CCDC85C: variants seen among roughly 807,000 people sequenced by gnomAD.
CCDC85C encodes the protein coiled-coil domain-containing protein 85C.
A neutral mutation model predicts 38.3 loss-of-function variants in CCDC85C; 18 were observed. The observed-to-expected ratio is 0.47, with a 90% CI of 0.33 to 0.70. CCDC85C has a LOEUF of 0.70. Among genes scored for constraint, CCDC85C ranks in the 30% least tolerant of loss-of-function variants. The pLI is 0.03. For synonymous variants in CCDC85C, 264 were observed against 293.8 expected (o/e 0.90, Z 1.04); for missense variants, 566 against 621.2 (o/e 0.91, Z 0.94).
At chr14:99,538,625 C>G (rs1181500163) in intron 1 of CCDC85C, among the ~76,000 whole-genome samples, 1 of 152,214 alleles carries the variant, frequency 6.6e-6, no homozygotes, top group African/African-American at 2.4e-5. Context: ...ACAGGGTGAG[C>G]GAGGAGCTCC....
Position 99,558,611 on chromosome 14 carries a change from C to T in CCDC85C, c.794-22523G>A, listed in dbSNP as rs1013881118. Among the ~76,000 whole-genome samples the T allele has an allele frequency of 2.6e-5, 4 of 152,180 alleles. No homozygotes were observed. The highest frequency in any genetic ancestry group is 9.7e-5 in the African/African-American group (4 of 41,426). ...ACTCCAGCCTGGAGATAGAGCGAGA[C>T]TCTGTCTCAAAAAAATTAAATAAAA... On this transcript the variant is annotated intron_variant, in intron 1 of 5. Transcript: ENST00000380243. The surrounding 1 kb of genome is among the most constrained non-coding windows in gnomAD (Gnocchi z 4.2).
Position 99,568,254 on chromosome 14 carries a change from T to A in CCDC85C, c.794-32166A>T, listed in dbSNP as rs560922462. Among the ~76,000 whole-genome samples the A allele has an allele frequency of 1.1e-3, 145 of 135,212 alleles. 3 individuals carry two copies. The highest frequency in any genetic ancestry group is 3.6e-3 in the Middle Eastern group (1 of 280). The allele number at this position is 135,212 out of a possible 152,430, so 88.7% of individuals were successfully genotyped here. ...TCTGGAGGCCACCTGCCCTTTATTTTTTTTTTTTTTTTTTTTGAGACAAAG... is the reference window on the plus strand; with the variant it reads ...TCTGGAGGCCACCTGCCCTTTATTTATTTTTTTTTTTTTTTTGAGACAAAG... On this transcript the variant is annotated intron_variant, in intron 1 of 5. Coordinates refer to ENST00000380243, the MANE Select transcript of CCDC85C (RefSeq NM_001144995.2).
intron 1 of CCDC85C, among the ~76,000 whole-genome samples, chr14:99,602,888 T>C (rs2055217404): frequency 6.6e-6 from 1 of 152,162 alleles, no homozygotes; most frequent in South Asian, 2.1e-4. Context: ...CAGACCCTAA[T>C]TTTGGCAACT....
At position 99,603,253 on chromosome 14, in the gene CCDC85C, G is replaced by A. The variant is rs1352705012; in HGVS notation, c.707C>T (p.Pro236Leu). ...ACGTGTGGCTCCTGCCTTGCCGTCG[G>A]GGGCCTTGTGCGGCCCGGGGGGCAG... The part of the protein sequence containing the change: ...PLLPPGPHKA[P>L]DGKAGATRRS... Residue 236 changes from proline (P) to leucine (L), a missense_variant, in exon 1 of 6, where the codon CCC becomes CTC. By Grantham distance (98) the Pro-to-Leu change is moderately conservative (BLOSUM62 -3). Transcript: ENST00000380243. This position sits in a 1 kb window ranked among gnomAD's most constrained non-coding sequence, Gnocchi z 7.5. The A allele has an allele frequency of 6.4e-6, 9 of 1,395,652 alleles. No homozygotes were observed. The highest frequency in any genetic ancestry group is 1.6e-5 in the South Asian group (1 of 63,788). The allele number at this position is 1,395,652 out of a possible 1,614,324, so 86.5% of individuals were successfully genotyped here.
intron 3 of CCDC85C, among the ~76,000 whole-genome samples, chr14:99,521,576 C>G (rs1897303659): frequency 6.6e-6 from 1 of 152,228 alleles, no homozygotes; most frequent in African/African-American, 2.4e-5. Flanking sequence ...CGTGAAGTCC[C>G]ACAAGGCAAG....
intron 1 of CCDC85C, among the ~76,000 whole-genome samples, chr14:99,600,204 A>C (rs1382380699): frequency 6.6e-6 from 1 of 152,240 alleles, no homozygotes; most frequent in Non-Finnish European, 1.5e-5. Context: ...GGAGAGCCCC[A>C]AGGACCCTAA....
chr14:99,527,408 T>C lies in CCDC85C; in HGVS notation c.868-5168A>G, dbSNP rs1595342784. 2.6e-5 allele frequency among the ~76,000 whole-genome samples: 4 copies of C among 151,594 alleles called. No homozygotes were observed. The Middle Eastern group carries it at 0.014, about 516-fold the overall frequency. ...CATGGGGTGGAAGACCCCCGGAGGG[T>C]AATGCGGGGCAGGTATTCTGGGGCG... On this transcript the variant is annotated intron_variant, in intron 2 of 5. Transcript: ENST00000380243.
rs1360759221 is a variant in CCDC85C, at chr14:99,555,270, A to G, written c.794-19182T>C. Among the ~76,000 whole-genome samples the G allele has an allele frequency of 4.6e-5, 7 of 152,194 alleles. No individual in the cohort carries two copies. In the East Asian group the frequency reaches 1.4e-3, roughly 29 times the overall value. ...GGATGGCGTGGGCCCTCAGAGCCTC[A>G]TGGGATGGGACAAGTGGGCCTTAAA... On this transcript the variant is annotated intron_variant, in intron 1 of 5. Transcript: ENST00000380243.
At position 99,504,057 on chromosome 14, in the gene CCDC85C, A is replaced by C. The variant is rs1425513443; in HGVS notation, c.*11189T>G. On this transcript the variant is annotated 3_prime_UTR_variant, in exon 6 of 6. Coordinates refer to ENST00000380243, the MANE Select transcript of CCDC85C (RefSeq NM_001144995.2). Reference sequence around the variant, plus strand: ...TGCCCGGACAGCACCAGCCCGGCCCAGCCCAGCTGCCCTTGCAGGCAAGGC... The same window carrying C: ...TGCCCGGACAGCACCAGCCCGGCCCCGCCCAGCTGCCCTTGCAGGCAAGGC... 2.6e-6 allele frequency: 1 copy of C among 384,330 alleles called. No homozygotes were observed. The highest frequency in any genetic ancestry group is 9.5e-5 in the East Asian group (1 of 10,476). 23.8% of individuals were successfully genotyped at this position (384,330 alleles called of 1,614,324 possible).
rs537528653 is a variant in CCDC85C at position 99,541,864 on chromosome 14, GGACACATGGT to G, written c.794-5786_794-5777del. On this transcript the variant is annotated intron_variant, in intron 1 of 5. Transcript: ENST00000380243. ...GCGAGGGAGCTGCAGTGACACACAG[GGACACATGGT>G]GACACATGGTGACACACAGAGCCTG... 3.0e-3 allele frequency among the ~76,000 whole-genome samples: 460 copies of G among 152,268 alleles called. 1 individual carries two copies. The highest frequency in any genetic ancestry group is 0.01 in the African/African-American group (416 of 41,548).
At chr14:99,552,000 G>A (rs1897921359) in intron 1 of CCDC85C, among the ~76,000 whole-genome samples, 1 of 152,192 alleles carries the variant, frequency 6.6e-6, no homozygotes, top group South Asian at 2.1e-4. Context: ...GAGGACCTGA[G>A]GCTAAGAGGA....
Position 99,503,811 on chromosome 14 carries a change from A to G in CCDC85C, c.*11435T>C. Reference sequence around the variant, plus strand: ...TTGTCTTTCTGTTCATCACCTGATCATAGATTCTAAAATTGTGCTCTTACG... The same window carrying G: ...TTGTCTTTCTGTTCATCACCTGATCGTAGATTCTAAAATTGTGCTCTTACG... On this transcript the variant is annotated 3_prime_UTR_variant, in exon 6 of 6. Coordinates refer to ENST00000380243, the MANE Select transcript of CCDC85C (RefSeq NM_001144995.2). 1.6e-6 allele frequency: 1 copy of G among 610,580 alleles called. No homozygotes were observed. Among genetic ancestry groups the G allele is most frequent in the Non-Finnish European group, 2.9e-6 (1 of 345,328 alleles). 37.8% of individuals were successfully genotyped at this position (610,580 alleles called of 1,614,324 possible).
At chr14:99,552,789 G>A (rs755558196) in intron 1 of CCDC85C, among the ~76,000 whole-genome samples, 2 of 152,248 alleles carry the variant, frequency 1.3e-5, no homozygotes, top group Non-Finnish European at 2.9e-5. Context: ...GGTTCTCCCC[G>A]CAAGGGGGCC....
chr14:99,573,148 C>T (rs1168527485), intron 1 of CCDC85C, among the ~76,000 whole-genome samples: 1 of 152,240 alleles, frequency 6.6e-6, no homozygotes, highest in Non-Finnish European at 1.5e-5. Context: ...CTTCATTTCC[C>T]CCGGTGCCTC....
chr14:99,504,007 G>T lies in CCDC85C; in HGVS notation c.*11239C>A, dbSNP rs3918092. Reference sequence around the variant, plus strand: ...CCAAGCACCAAGCCACAGCAGATGCGGGGGGGCAGTAGGGGGTGGTGTGCT... The same window carrying T: ...CCAAGCACCAAGCCACAGCAGATGCTGGGGGGCAGTAGGGGGTGGTGTGCT... On this transcript the variant is annotated 3_prime_UTR_variant, in exon 6 of 6. Transcript: ENST00000380243. The T allele has an allele frequency of 2.7e-4, 96 of 352,740 alleles. 1 individual carries two copies. In the East Asian group the frequency reaches 7.1e-3, roughly 26 times the overall value. The allele number at this position is 352,740 out of a possible 1,614,324, so 21.9% of individuals were successfully genotyped here.
At chr14:99,549,309 T>C (rs757646083) in intron 1 of CCDC85C, among the ~76,000 whole-genome samples, 4 of 152,214 alleles carry the variant, frequency 2.6e-5, no homozygotes, top group Non-Finnish European at 5.9e-5. Flanking sequence ...CGGGTCCCCA[T>C]TCCTGGGCTG....
At chr14:99,562,854 C>T (rs950289755) in intron 1 of CCDC85C, among the ~76,000 whole-genome samples, 1 of 150,368 alleles carries the variant, frequency 6.7e-6, no homozygotes, top group South Asian at 2.1e-4. Context: ...CACTCACCCT[C>T]ATATGCACAC....
intron 3 of CCDC85C, among the ~76,000 whole-genome samples, chr14:99,517,574 C>T (rs1897246641): frequency 1.3e-5 from 2 of 152,184 alleles, no homozygotes; most frequent in African/African-American, 2.4e-5. Flanking sequence ...TGGACTTAAC[C>T]CTGGCACCTG....
At position 99,551,580 on chromosome 14, in the gene CCDC85C, A is replaced by T. The variant is rs35244280; in HGVS notation, c.794-15492T>A. Among the ~76,000 whole-genome samples, 108 of 143,674 alleles carry T rather than the reference A, an allele frequency of 7.5e-4. 1 individual carries two copies. Among genetic ancestry groups the T allele is most frequent in the African/African-American group, 2.5e-3 (96 of 38,670 alleles). The allele number at this position is 143,674 out of a possible 152,430, so 94.3% of individuals were successfully genotyped here. A position where few individuals can be genotyped will look rare whatever the true frequency, so the allele number is the denominator to read the frequency against. The stretch of plus-strand genomic sequence containing the variant: ...GTGCAGGTGGGTGTGCAGGTGAGTG[A>T]GCAGGTGGGTGAGAGGTGAGTGTGC... On this transcript the variant is annotated intron_variant, in intron 1 of 5. Transcript: ENST00000380243.
Sources: allele counts gnomAD v4.1 joint callset (sites outside exome capture counted in the v4.1 genomes callset), GRCh38; gene constraint gnomAD v4.1.1; non-coding constraint Gnocchi (gnomAD v3.1); transcripts MANE v1.5; gene names NCBI Gene and HGNC (gene_info 2026-07-23, HGNC 2026-07-21).